SEL1L3: variants seen among roughly 807,000 people sequenced by gnomAD.
SEL1L3 encodes protein sel-1 homolog 3.
A neutral mutation model predicts 142.8 loss-of-function variants in SEL1L3; 76 were observed. The observed-to-expected ratio is 0.53, with a 90% CI of 0.44 to 0.64. The LOEUF (loss-of-function observed/expected upper bound fraction) is 0.64, where lower values mean the gene tolerates loss of function less well. Among genes scored for constraint, SEL1L3 ranks in the 30% least tolerant of loss-of-function variants. SEL1L3 has a pLI of 0.00. For missense variants in SEL1L3, 1,262 were observed against 1,381.7 expected, an observed-to-expected ratio of 0.91 and a Z score of 1.37; for synonymous variants, 504 against 519.6, an observed-to-expected ratio of 0.97 and a Z score of 0.41.
intron 1 of SEL1L3, among the ~76,000 whole-genome samples, chr4:25,857,345 G>GT (rs1174031357): frequency 6.6e-6 from 1 of 152,206 alleles, no homozygotes; most frequent in Non-Finnish European, 1.5e-5. Flanking sequence ...TCCTGGTTGT[G>GT]TAAGATTCTC....
At chr4:25,808,974 G>A (rs1441401127) in intron 9 of SEL1L3, among the ~76,000 whole-genome samples, 2 of 149,348 alleles carry the variant, frequency 1.3e-5, no homozygotes, top group South Asian at 2.2e-4. Context: ...TTGGGAGGGT[G>A]AGGCAGGAGA....
intron 3 of SEL1L3, among the ~76,000 whole-genome samples, chr4:25,834,146 A>G (rs1045602811): frequency 6.6e-6 from 1 of 152,222 alleles, no homozygotes. Context: ...ATACGGAACA[A>G]TTAATCTAAT....
the SEL1L3 span, among the ~76,000 whole-genome samples, chr4:25,736,221 CTG>C: frequency 2.0e-5 from 3 of 147,752 alleles, no homozygotes; most frequent in Non-Finnish European, 3.0e-5. Flanking sequence ...GATTGTGTGT[CTG>C]TGTGTGTGTG....
At position 25,784,299 on chromosome 4, in the gene SEL1L3, T is replaced by C. The variant is rs1560297558; in HGVS notation, c.2218-9A>G. The stretch of plus-strand genomic sequence containing the variant: ...TTTTTTACTCCTTGACCCTAAACAT[T>C]GATAAACAGCGATGATTACAAAGAA... On this transcript the variant is annotated splice_polypyrimidine_tract_variant and intron_variant, in intron 13 of 23. Transcript: ENST00000399878. 2.5e-6 allele frequency: 4 copies of C among 1,611,086 alleles called. No individual in the cohort carries two copies. The highest frequency in any genetic ancestry group is 2.5e-6 in the Non-Finnish European group (3 of 1,177,332).
chr4:25,748,913 G>A (rs144273517), intron 23 of SEL1L3, among the ~76,000 whole-genome samples: 66 of 152,278 alleles, frequency 4.3e-4, no homozygotes, highest in African/African-American at 1.5e-3. Context: ...AGAAGAGGTC[G>A]TGGATTCCAA....
the SEL1L3 span, among the ~76,000 whole-genome samples, chr4:25,736,557 T>C: frequency 6.6e-6 from 1 of 152,128 alleles, no homozygotes; most frequent in Non-Finnish European, 1.5e-5. Context: ...ATGAGACTTG[T>C]TTTATGGTTC....
chr4:25,757,354 CAT>C (rs1440045451), intron 23 of SEL1L3, among the ~76,000 whole-genome samples, 178 bp downstream of exon 23: 1 of 149,898 alleles, frequency 6.7e-6, no homozygotes, highest in Non-Finnish European at 1.5e-5. Context: ...CCAGGAATTT[CAT>C]ACACCTCTAG....
chr4:25,732,600 A>C, the SEL1L3 span, among the ~76,000 whole-genome samples: 1 of 152,088 alleles, frequency 6.6e-6, no homozygotes, highest in Non-Finnish European at 1.5e-5. Context: ...CCTACTTTCA[A>C]TGTACTTTTT....
intron 2 of SEL1L3, among the ~76,000 whole-genome samples, chr4:25,835,554 T>C (rs1195283869): frequency 6.6e-6 from 1 of 152,244 alleles, no homozygotes; most frequent in African/African-American, 2.4e-5. Context: ...CTATTATTAG[T>C]TCCATTCTAC....
At chr4:25,715,496 C>T in the SEL1L3 span, among the ~76,000 whole-genome samples, 2 of 152,016 alleles carry the variant, frequency 1.3e-5, no homozygotes, top group Admixed American at 6.6e-5. Context: ...TTTTACAACC[C>T]CTATGGTGGA....
At chr4:25,715,426 C>T in the SEL1L3 span, among the ~76,000 whole-genome samples, 1 of 152,122 alleles carries the variant, frequency 6.6e-6, no homozygotes, top group Non-Finnish European at 1.5e-5. Flanking sequence ...AGAAGTCTGA[C>T]TTATGTTATT....
At chr4:25,741,221 C>A in the SEL1L3 span, among the ~76,000 whole-genome samples, 2 of 151,928 alleles carry the variant, frequency 1.3e-5, no homozygotes, top group African/African-American at 4.8e-5. Context: ...TCTCCTGTCT[C>A]AGTCTCCTGA....
downstream of SEL1L3, among the ~76,000 whole-genome samples, chr4:25,746,356 A>G (rs538058648): frequency 6.6e-6 from 1 of 151,836 alleles, no homozygotes; most frequent in African/African-American, 2.4e-5. Flanking sequence ...TGTTTCTACT[A>G]GAAATACAAA....
intron 2 of SEL1L3, among the ~76,000 whole-genome samples, chr4:25,839,946 A>T (rs1352449562): frequency 1.3e-5 from 2 of 152,172 alleles, no homozygotes; most frequent in Admixed American, 6.5e-5. Flanking sequence ...GGGTGAAGAA[A>T]ACAGGATGAT....
At chr4:25,731,709 A>G in the SEL1L3 span, among the ~76,000 whole-genome samples, 9 of 152,296 alleles carry the variant, frequency 5.9e-5, no homozygotes, top group Non-Finnish European at 1.3e-4. Flanking sequence ...TGAATATACC[A>G]TAATTTTTTT....
intron 6 of SEL1L3, among the ~76,000 whole-genome samples, chr4:25,826,817 C>G (rs571893362): frequency 2.0e-5 from 3 of 152,152 alleles, no homozygotes. Flanking sequence ...GTGCCCACCA[C>G]CATGCCCGGC....
chr4:25,858,845 A>G (rs991309875), intron 1 of SEL1L3, among the ~76,000 whole-genome samples: 2 of 152,058 alleles, frequency 1.3e-5, no homozygotes. Flanking sequence ...CGGCCTCCCA[A>G]AGTGCTGTGA....
chr4:25,836,983 T>C lies in SEL1L3; in HGVS notation c.734-1660A>G, dbSNP rs1018443444. ...ATTAAATAAGCCAATTTCTCCCCAGTAGCCACAAATCTTCATGGTTTGTTA... is the reference window on the plus strand; with the variant it reads ...ATTAAATAAGCCAATTTCTCCCCAGCAGCCACAAATCTTCATGGTTTGTTA... On this transcript the variant is annotated intron_variant, in intron 2 of 23. Transcript: ENST00000399878. 3.9e-5 allele frequency among the ~76,000 whole-genome samples: 6 copies of C among 152,144 alleles called. No individual in the cohort carries two copies. In the East Asian group the frequency reaches 1.2e-3, roughly 29 times the overall value.
chr4:25,754,499 C>T (rs1409452466), intron 23 of SEL1L3, among the ~76,000 whole-genome samples: 1 of 151,766 alleles, frequency 6.6e-6, no homozygotes, highest in Non-Finnish European at 1.5e-5. Flanking sequence ...CAGGAGTGAA[C>T]CACCATACCC....
Sources: gnomAD v4.1 joint callset for allele counts (sites outside exome capture counted in the v4.1 genomes callset) on GRCh38, gnomAD v4.1.1 for gene constraint, MANE v1.5 for transcripts, NCBI Gene and HGNC (gene_info 2026-07-23, HGNC 2026-07-21) for gene names.